TM9SF4: variants seen among roughly 807,000 people sequenced by gnomAD.
TM9SF4 encodes transmembrane 9 superfamily member 4, also known as dinucleotide oxidase disulfide thiol exchanger 3 superfamily member 4.
A neutral mutation model predicts 90.4 loss-of-function variants in TM9SF4; 26 were observed. The ratio of observed to expected loss-of-function variants is 0.29; its 90% confidence interval spans 0.21 to 0.40. The LOEUF (loss-of-function observed/expected upper bound fraction) is 0.40, where lower values mean the gene tolerates loss of function less well. TM9SF4 is among the 10% of genes least tolerant of loss of function. TM9SF4 has a pLI of 1.00. For synonymous variants in TM9SF4, 293 were observed against 315.4 expected (o/e 0.93, Z 0.75); for missense variants, 549 against 834.8 (o/e 0.66, Z 4.22).
chr20:32,126,579 T>G (rs2046425762), intron 1 of TM9SF4, among the ~76,000 whole-genome samples: 1 of 152,166 alleles, frequency 6.6e-6, no homozygotes, highest in African/African-American at 2.4e-5. Context: ...GCCTCTTAAC[T>G]TGCTGAGAGC....
intron 1 of TM9SF4, among the ~76,000 whole-genome samples, chr20:32,113,707 A>C (rs1007182478): frequency 1.3e-5 from 2 of 152,180 alleles, no homozygotes; most frequent in African/African-American, 4.8e-5. Flanking sequence ...AAAGTATATA[A>C]TTTAGTGGGT....
intron 3 of TM9SF4, among the ~76,000 whole-genome samples, chr20:32,141,210 C>T (rs1334293577): frequency 1.7e-5 from 2 of 120,724 alleles, no homozygotes; most frequent in South Asian, 3.0e-4. Context: ...GAGCGAGACT[C>T]CATCTCAAAA....
At chr20:32,112,371 G>A (rs906184913) in intron 1 of TM9SF4, among the ~76,000 whole-genome samples, 2 of 152,158 alleles carry the variant, frequency 1.3e-5, no homozygotes, top group African/African-American at 2.4e-5. Context: ...CTGCACTCCA[G>A]CTTTGGCAAC....
intron 17 of TM9SF4, among the ~76,000 whole-genome samples, chr20:32,163,268 A>AAAAATAAATATATATATAT (rs1555886757): frequency 1.3e-5 from 1 of 74,498 alleles, no homozygotes; most frequent in African/African-American, 5.9e-5. Context: ...AAAAAAAAAA[A>AAAAATAAATATATATATAT]ATATATATAT....
intron 1 of TM9SF4, among the ~76,000 whole-genome samples, chr20:32,120,351 T>C (rs2046285371): frequency 6.6e-6 from 1 of 151,448 alleles, no homozygotes. Context: ...CTTTTAAAAA[T>C]ATATATTCCT....
At chr20:32,122,628 G>A (rs1275538406) in intron 1 of TM9SF4, among the ~76,000 whole-genome samples, 2 of 149,106 alleles carry the variant, frequency 1.3e-5, no homozygotes, top group Non-Finnish European at 3.0e-5. Context: ...GGGAAGAGGC[G>A]CTCCTCACTT....
intron 2 of TM9SF4, 107 bp downstream of exon 2, chr20:32,133,233 T>G (rs2046546124): frequency 1.0e-6 from 1 of 962,778 alleles, no homozygotes; most frequent in Non-Finnish European, 1.5e-6. Context: ...GAAAGAATAG[T>G]GCCAGTTACC....
At chr20:32,149,788 G>A (rs757602262) in intron 10 of TM9SF4, 22 bp downstream of exon 10, 11 of 1,611,612 alleles carry the variant, frequency 6.8e-6, no homozygotes, top group Admixed American at 3.3e-5. Context: ...CAGCGGGGCC[G>A]GGCATGGGGG....
rs1188339288 is a variant in TM9SF4, at chr20:32,143,104, G to A, written c.651G>A (p.Glu217=). The change falls in exon 6 of 18, where the codon GAG becomes GAA. Residue 217 remains glutamate (E), a splice_region_variant and synonymous_variant. Transcript: ENST00000398022. The part of the protein sequence containing the change: ...FEVIPQSIRL[E]DLKADEKSSC... Reference sequence around the variant, plus strand: ...TGATTCCCCAGAGCATCAGGCTGGAGGGTGAGTGGGGAGGTGTGGCCGGAG... The same window carrying A: ...TGATTCCCCAGAGCATCAGGCTGGAAGGTGAGTGGGGAGGTGTGGCCGGAG... The A allele has an allele frequency of 6.2e-7, 1 of 1,612,930 alleles. No homozygotes were observed. Among genetic ancestry groups the A allele is most frequent in the Non-Finnish European group, 8.5e-7 (1 of 1,179,256 alleles).
intron 15 of TM9SF4, 29 bp from the exon 16 acceptor site, chr20:32,159,963 C>G: frequency 6.2e-7 from 1 of 1,613,882 alleles, no homozygotes; most frequent in Non-Finnish European, 8.5e-7. Context: ...GGTGGTCAAG[C>G]CAGCTGAAGC....
In TM9SF4 at chr20:32,165,529, A is replaced by T. The variant is rs2047087903; in HGVS notation, c.*85A>T. 4.0e-6 allele frequency: 6 copies of T among 1,505,688 alleles called. No homozygotes were observed. Among genetic ancestry groups the T allele is most frequent in the Non-Finnish European group, 5.5e-6 (6 of 1,094,274 alleles). 93.3% of individuals were successfully genotyped at this position (1,505,688 alleles called of 1,614,324 possible). On this transcript the variant is annotated 3_prime_UTR_variant, in exon 18 of 18. Transcript: ENST00000398022. ...GGACTGCAGGCACGCAAAATAAAATAACTCCTGCTCGTTTGGAATGTAACT... is the reference window on the plus strand; with the variant it reads ...GGACTGCAGGCACGCAAAATAAAATTACTCCTGCTCGTTTGGAATGTAACT...
chr20:32,131,310 G>C (rs2046507881), intron 1 of TM9SF4, among the ~76,000 whole-genome samples: 1 of 152,188 alleles, frequency 6.6e-6, no homozygotes, highest in Admixed American at 6.5e-5. Context: ...ACCAAGCTAT[G>C]TGTCTGCAAA....
At chr20:32,156,325 C>T (rs2046919775) in intron 13 of TM9SF4, among the ~76,000 whole-genome samples, 1 of 152,102 alleles carries the variant, frequency 6.6e-6, no homozygotes, top group African/African-American at 2.4e-5. Context: ...CCCCATATCC[C>T]ATCTAAGGAA....
rs749726953 is a variant in TM9SF4 at position 32,145,362 on chromosome 20, T to C, written c.822T>C (p.Ser274=). 3.1e-6 allele frequency: 5 copies of C among 1,613,976 alleles called. No homozygotes were observed. The Admixed American group carries it at 5.0e-5, about 16-fold the overall frequency. ...GCTGGGACACTTACCTGACCATGAG[T>C]GACGTCCAGATCCACTGGTTTTCTA... The part of the protein sequence containing the change: ...ASRWDTYLTM[S]DVQIHWFSII... Residue 274 remains serine, a synonymous_variant, in exon 8 of 18, where the codon AGT becomes AGC. Transcript: ENST00000398022.
intron 1 of TM9SF4, among the ~76,000 whole-genome samples, chr20:32,127,880 T>C (rs1181381028): frequency 1.3e-5 from 2 of 152,206 alleles, no homozygotes; most frequent in Non-Finnish European, 2.9e-5. Flanking sequence ...TCCCCTGCAC[T>C]GGTTTCAAAT....
At chr20:32,143,329 C>T (rs538305453) in intron 6 of TM9SF4, among the ~76,000 whole-genome samples, 2 of 152,300 alleles carry the variant, frequency 1.3e-5, no homozygotes, top group African/African-American at 2.4e-5. Flanking sequence ...TTACCCCTTC[C>T]CAGCAACCCC....
chr20:32,133,980 T>A, intron 2 of TM9SF4, among the ~76,000 whole-genome samples: 2 of 151,778 alleles, frequency 1.3e-5, no homozygotes, highest in Non-Finnish European at 2.9e-5. Flanking sequence ...CTAATTTTTT[T>A]TTTTTTTTTT....
chr20:32,148,006 G>A (rs2046788405), intron 9 of TM9SF4, among the ~76,000 whole-genome samples: 1 of 152,090 alleles, frequency 6.6e-6, no homozygotes, highest in Non-Finnish European at 1.5e-5. Flanking sequence ...CAGCTACTCG[G>A]GATGCTGAGG....
chr20:32,153,876 TG>T (rs1209552837), intron 12 of TM9SF4, among the ~76,000 whole-genome samples: 2 of 152,240 alleles, frequency 1.3e-5, no homozygotes, highest in African/African-American at 4.8e-5. Context: ...GCATGGGCTC[TG>T]GGGTCAGACT....
Sources: gnomAD v4.1 joint callset for allele counts (sites outside exome capture counted in the v4.1 genomes callset) on GRCh38, gnomAD v4.1.1 for gene constraint, MANE v1.5 for transcripts, NCBI Gene and HGNC (gene_info 2026-07-23, HGNC 2026-07-21) for gene names.